MEIOSIN: variants seen among roughly 807,000 people sequenced by gnomAD.
MEIOSIN encodes meiosis initiator, also known as meiosis initiator protein.
In MEIOSIN, 18 loss-of-function variants were observed where a neutral mutation model predicts 23.4. That is an observed-to-expected ratio of 0.77 (90% CI 0.53 to 1.14). The LOEUF is 1.14. MEIOSIN is among the 50% of genes most tolerant of loss of function. The pLI is 0.00. For synonymous variants in MEIOSIN, 187 were observed against 100.6 expected, an observed-to-expected ratio of 1.86 and a Z score of -5.14; for missense variants, 428 against 242.9, an observed-to-expected ratio of 1.76 and a Z score of -5.07.
intron 5 of MEIOSIN, among the ~76,000 whole-genome samples, chr19:45,751,228 C>T (rs941813451): frequency 1.3e-5 from 2 of 150,668 alleles, no homozygotes; most frequent in Non-Finnish European, 2.9e-5. Flanking sequence ...GCCGAGATCA[C>T]GCCACTGCAC....
chr19:45,746,520 G>A (rs1349084782), intron 4 of MEIOSIN, among the ~76,000 whole-genome samples: 3 of 152,106 alleles, frequency 2.0e-5, no homozygotes, highest in Non-Finnish European at 4.4e-5. Flanking sequence ...GGCCCACCCA[G>A]ATAAACAGGA....
rs541788423 is a variant in MEIOSIN, at chr19:45,736,655, A to G, written c.71+1208A>G. On this transcript the variant is annotated intron_variant, in intron 2 of 14. Coordinates refer to ENST00000457052, the MANE Select transcript of MEIOSIN (RefSeq NM_001310124.2). ...GTCATCTGGGCTCACTGCAAGCTCA[A>G]CCTCCCGGATTCACGCTATTCTCCT... 4.6e-3 allele frequency among the ~76,000 whole-genome samples: 680 copies of G among 147,072 alleles called. 11 individuals are homozygous for G. The highest frequency in any genetic ancestry group is 0.016 in the African/African-American group (619 of 39,336).
At chr19:45,762,787 G>T (rs1968972095) in intron 13 of MEIOSIN, among the ~76,000 whole-genome samples, 1 of 152,204 alleles carries the variant, frequency 6.6e-6, no homozygotes, top group Non-Finnish European at 1.5e-5. Flanking sequence ...ACAAGGGCGG[G>T]TATAGACTGC....
intron 13 of MEIOSIN, among the ~76,000 whole-genome samples, chr19:45,762,850 C>T (rs1055437128): frequency 2.0e-5 from 3 of 152,240 alleles, no homozygotes; most frequent in Non-Finnish European, 2.9e-5. Flanking sequence ...AATCTTTGTC[C>T]TTTTCACCCA....
chr19:45,736,456 A>G (rs895928065), intron 2 of MEIOSIN, among the ~76,000 whole-genome samples: 1 of 151,518 alleles, frequency 6.6e-6, no homozygotes, highest in African/African-American at 2.4e-5. Flanking sequence ...TCTGCCTCCC[A>G]GGCTCAAGCG....
chr19:45,746,680 G>T (rs1216102211), intron 4 of MEIOSIN, among the ~76,000 whole-genome samples: 1 of 152,036 alleles, frequency 6.6e-6, no homozygotes, highest in Non-Finnish European at 1.5e-5. Context: ...AATTAGCCAG[G>T]AGTGGTGGCG....
At chr19:45,742,499 G>A (rs181972521) in intron 3 of MEIOSIN, among the ~76,000 whole-genome samples, 1 of 151,958 alleles carries the variant, frequency 6.6e-6, no homozygotes, top group East Asian at 2.0e-4. Flanking sequence ...AAACAAGCAG[G>A]CCAGGCGCGG....
Position 45,735,442 on chromosome 19 carries a change from T to C in MEIOSIN, c.66T>C (p.Ser22=). 2.8e-6 allele frequency: 2 copies of C among 702,686 alleles called. No homozygotes were observed. The highest frequency in any genetic ancestry group is 5.2e-6 in the Non-Finnish European group (2 of 384,828). 43.5% of individuals were successfully genotyped at this position (702,686 alleles called of 1,614,324 possible). Residue 22 remains serine, a synonymous_variant, in exon 2 of 15, where the codon AGT becomes AGC. Transcript: ENST00000457052. The part of the protein sequence containing the change: ...EQPRANSLGP[S]DRTLVLCSLV... ...CCAGAGCTAATTCACTGGGTCCCAG[T>C]GACAGGTAAGGGCTTGCCCCATCTC...
intron 2 of MEIOSIN, among the ~76,000 whole-genome samples, chr19:45,736,743 TA>T (rs1968414445): frequency 6.7e-6 from 1 of 149,206 alleles, no homozygotes; most frequent in African/African-American, 2.5e-5. Context: ...TAATTTTTTA[TA>T]TTTTTTTTAG....
chr19:45,752,953 C>G (rs542930578), intron 5 of MEIOSIN, among the ~76,000 whole-genome samples: 1 of 133,468 alleles, frequency 7.5e-6, no homozygotes, highest in South Asian at 2.4e-4. Flanking sequence ...GGCGGAGTCT[C>G]GCTCTTTTCG....
chr19:45,759,546 G>A (rs1054070851), intron 11 of MEIOSIN, 56 bp downstream of exon 11: 8 of 697,978 alleles, frequency 1.1e-5, no homozygotes, highest in Admixed American at 2.0e-5. Context: ...TTCCACACAC[G>A]TCACTCATGG....
chr19:45,734,843 T>G (rs946599389), intron 1 of MEIOSIN, among the ~76,000 whole-genome samples: 3 of 151,998 alleles, frequency 2.0e-5, no homozygotes, highest in African/African-American at 7.2e-5. Flanking sequence ...GTCCTCATTT[T>G]GGGACTCTAA....
intron 7 of MEIOSIN, among the ~76,000 whole-genome samples, chr19:45,755,383 C>G (rs1006502535): frequency 2.0e-5 from 3 of 152,062 alleles, no homozygotes; most frequent in African/African-American, 7.2e-5. Context: ...CTCCTGATCT[C>G]AGGTGATCGC....
Position 45,753,715 on chromosome 19 carries a change from C to G in MEIOSIN, c.483C>G (p.Ser161=). 1 of 702,964 alleles carries G rather than the reference C, an allele frequency of 1.4e-6. No homozygotes were observed. The highest frequency in any genetic ancestry group is 2.6e-6 in the Non-Finnish European group (1 of 384,976). 43.5% of individuals were successfully genotyped at this position (702,964 alleles called of 1,614,324 possible). A position where few individuals can be genotyped will look rare whatever the true frequency, so the allele number is the denominator to read the frequency against. Residue 161 remains serine, a synonymous_variant, in exon 6 of 15, where the codon TCC becomes TCG. Coordinates refer to ENST00000457052, the MANE Select transcript of MEIOSIN (RefSeq NM_001310124.2). The stretch of plus-strand genomic sequence containing the variant: ...GGAGACACTCTACCCCCTCCAGCTC[C>G]CCAAGCTCTCAGAAGTCCTGTCTCC... ...RRRRHSTPSS[S]PSSQKSCLQG...
intron 4 of MEIOSIN, among the ~76,000 whole-genome samples, chr19:45,750,098 A>G (rs1223053830): frequency 6.9e-6 from 1 of 145,490 alleles, no homozygotes; most frequent in Non-Finnish European, 1.5e-5. Context: ...GGGACCAGAG[A>G]CACAGAGGCT....
chr19:45,748,081 CTT>C (rs775719188), intron 4 of MEIOSIN, among the ~76,000 whole-genome samples: 5 of 144,220 alleles, frequency 3.5e-5, no homozygotes, highest in Admixed American at 1.4e-4. Flanking sequence ...AAGACCCTGT[CTT>C]TTTTTTTTTT....
chr19:45,748,223 G>A (rs1568556067), intron 4 of MEIOSIN, among the ~76,000 whole-genome samples: 1 of 152,090 alleles, frequency 6.6e-6, no homozygotes, highest in Non-Finnish European at 1.5e-5. Context: ...GACTACAGGT[G>A]CCCGCCACCA....
chr19:45,756,725 G>A (rs751153138), intron 8 of MEIOSIN, among the ~76,000 whole-genome samples: 13 of 152,048 alleles, frequency 8.5e-5, no homozygotes, highest in Non-Finnish European at 1.5e-4. Context: ...CACCCGGCCC[G>A]GATATTTCAC....
intron 3 of MEIOSIN, among the ~76,000 whole-genome samples, chr19:45,741,800 C>A (rs1191262915): frequency 6.6e-6 from 1 of 152,036 alleles, no homozygotes; most frequent in East Asian, 1.9e-4. Flanking sequence ...GATTTCACAG[C>A]CTGTACAATA....
Sources: gnomAD v4.1 joint callset for allele counts (sites outside exome capture counted in the v4.1 genomes callset) on GRCh38, gnomAD v4.1.1 for gene constraint, MANE v1.5 for transcripts, NCBI Gene and HGNC (gene_info 2026-07-23, HGNC 2026-07-21) for gene names.